The following RMND1 variants were observed in gnomAD, a reference collection of about 807,000 sequenced individuals.
RMND1 encodes required for meiotic nuclear division 1 homolog.
In RMND1, 41 loss-of-function variants were observed where a neutral mutation model predicts 54.0. That is an observed-to-expected ratio of 0.76 (90% CI 0.59 to 0.98). The LOEUF (loss-of-function observed/expected upper bound fraction) is 0.98. Among genes scored for constraint, RMND1 ranks in the 50% least tolerant of loss-of-function variants. RMND1 has a pLI of 0.00. For synonymous variants in RMND1, 183 were observed against 181.7 expected (o/e 1.01, Z -0.06); for missense variants, 457 against 532.0 (o/e 0.86, Z 1.39).
At chr6:151,448,268 T>A (rs1001618945) in intron 1 of RMND1, among the ~76,000 whole-genome samples, 3 of 152,112 alleles carry the variant, frequency 2.0e-5, no homozygotes, top group African/African-American at 7.2e-5. Flanking sequence ...ACCTCCTATC[T>A]TTGCATCTCA....
intron 8 of RMND1, 108 bp downstream of exon 8, chr6:151,422,433 A>C: frequency 1.9e-6 from 1 of 531,672 alleles, no homozygotes; most frequent in Non-Finnish European, 3.2e-6. Flanking sequence ...TCTTGGAACA[A>C]ATCTCCCATG....
At position 151,449,988 on chromosome 6, in the gene RMND1, G is replaced by C. The variant is rs964385051; in HGVS notation, c.-15+2028C>G. On this transcript the variant is annotated intron_variant, in intron 1 of 11. Coordinates refer to ENST00000444024, the MANE Select transcript of RMND1 (RefSeq NM_017909.4). ...CAGGCTGGAGTGCAGTGGCGTGATC[G>C]AGGCTCGCTACAACCTCCACCTCCC... Among the ~76,000 whole-genome samples, 14 of 152,116 alleles carry C rather than the reference G, an allele frequency of 9.2e-5. No homozygotes were observed. In the East Asian group the frequency reaches 2.1e-3, roughly 23 times the overall value.
intron 10 of RMND1, among the ~76,000 whole-genome samples, chr6:151,410,488 A>G (rs558810059): frequency 1.3e-5 from 2 of 152,298 alleles, no homozygotes; most frequent in South Asian, 2.1e-4. Context: ...CCCCTTCTAA[A>G]TAACCTTGAC....
intron 1 of RMND1, among the ~76,000 whole-genome samples, chr6:151,450,765 G>A (rs1384498354): frequency 1.4e-5 from 2 of 139,292 alleles, no homozygotes; most frequent in Non-Finnish European, 3.3e-5. Context: ...AGAAAGGGGG[G>A]AAAGGGGGGG....
chr6:151,445,247 A>T, intron 2 of RMND1, 61 bp downstream of exon 2: 1 of 1,527,572 alleles, frequency 6.5e-7, no homozygotes, highest in Non-Finnish European at 8.8e-7. Context: ...GGTGCAACGC[A>T]CACTGGTTTA....
chr6:151,408,119 A>C (rs1041011334), intron 10 of RMND1, among the ~76,000 whole-genome samples: 1 of 152,060 alleles, frequency 6.6e-6, no homozygotes, highest in Non-Finnish European at 1.5e-5. Flanking sequence ...TGAAGGGAGC[A>C]TGTCAAGCAT....
At chr6:151,408,540 C>A (rs1481740072) in intron 10 of RMND1, 1 of 152,106 alleles carries the variant, frequency 6.6e-6, no homozygotes, top group East Asian at 1.9e-4. Context: ...ACCATGTCCC[C>A]CACCCCAAAG....
At chr6:151,426,110 G>A (rs550328320) in intron 6 of RMND1, among the ~76,000 whole-genome samples, 16 of 151,962 alleles carry the variant, frequency 1.1e-4, no homozygotes, top group African/African-American at 4.8e-5. Context: ...CACTATGCCC[G>A]GGTAATTTTT....
chr6:151,409,646 A>C (rs1183597067), intron 10 of RMND1, among the ~76,000 whole-genome samples: 2 of 152,244 alleles, frequency 1.3e-5, no homozygotes, highest in African/African-American at 4.8e-5. Context: ...AATGGTACAC[A>C]CAATTTTTAA....
At chr6:151,448,409 G>A (rs1250703189) in intron 1 of RMND1, among the ~76,000 whole-genome samples, 1 of 151,878 alleles carries the variant, frequency 6.6e-6, no homozygotes, top group Non-Finnish European at 1.5e-5. Flanking sequence ...ACACTCCATG[G>A]TCTACCATTC....
chr6:151,406,431 G>A (rs532109351), intron 10 of RMND1, among the ~76,000 whole-genome samples: 6 of 152,060 alleles, frequency 3.9e-5, no homozygotes, highest in Non-Finnish European at 5.9e-5. Flanking sequence ...GGCGGATCTC[G>A]GCTCACTGCA....
chr6:151,451,413 TCTTTTGAAC>T (rs1398887811), intron 1 of RMND1, among the ~76,000 whole-genome samples: 1 of 152,158 alleles, frequency 6.6e-6, no homozygotes, highest in African/African-American at 2.4e-5. Flanking sequence ...ATCTTTTGAA[TCTTTTGAAC>T]CTTGCATTGG....
intron 3 of RMND1, 73 bp from the exon 4 acceptor site, chr6:151,433,303 TG>T: frequency 1.1e-6 from 1 of 871,394 alleles, no homozygotes; most frequent in South Asian, 1.5e-5. Flanking sequence ...CTATAAACAC[TG>T]TAATAAAGTA....
In RMND1 at chr6:151,443,854, T is replaced by A. The variant is rs529795889; in HGVS notation, c.504+1454A>T. The stretch of plus-strand genomic sequence containing the variant: ...ACAAACACTAAATCCCAGGAGGAGT[T>A]CCTCTTTTAATTACTGCGCTTCTCA... On this transcript the variant is annotated intron_variant, in intron 2 of 11. Coordinates refer to ENST00000444024, the MANE Select transcript of RMND1 (RefSeq NM_017909.4). Among the ~76,000 whole-genome samples, 4 of 152,364 alleles carry A rather than the reference T, an allele frequency of 2.6e-5. No homozygotes were observed. The South Asian group carries it at 8.3e-4, about 32-fold the overall frequency.
chr6:151,440,310 G>A (rs1189555701), intron 2 of RMND1, among the ~76,000 whole-genome samples: 1 of 152,180 alleles, frequency 6.6e-6, no homozygotes, highest in African/African-American at 2.4e-5. Flanking sequence ...GCCACTTGGA[G>A]ATAAAAATAA....
intron 2 of RMND1, among the ~76,000 whole-genome samples, chr6:151,442,700 T>TA (rs989771236): frequency 4.9e-5 from 7 of 143,732 alleles, no homozygotes; most frequent in Admixed American, 1.4e-4. Flanking sequence ...CGGCTTTTTT[T>TA]TTTTTTTTTT....
chr6:151,423,837 T>G (rs1235248604), intron 6 of RMND1, among the ~76,000 whole-genome samples: 1 of 150,112 alleles, frequency 6.7e-6, no homozygotes, highest in Non-Finnish European at 1.5e-5. Context: ...AAGAAAAATT[T>G]GTATACAAGA....
chr6:151,417,034 T>TAGTA, intron 10 of RMND1: 1 of 334,274 alleles, frequency 3.0e-6, no homozygotes, highest in Non-Finnish European at 5.4e-6. Context: ...TGACAAGAAC[T>TAGTA]TACTGATGGA....
At chr6:151,428,498 G>C (rs570935545) in intron 5 of RMND1, among the ~76,000 whole-genome samples, 1 of 152,286 alleles carries the variant, frequency 6.6e-6, no homozygotes, top group East Asian at 1.9e-4. Flanking sequence ...TACTTCTTTA[G>C]GAATTGCTAG....
Sources: allele counts gnomAD v4.1 joint callset (sites outside exome capture counted in the v4.1 genomes callset), GRCh38; gene constraint gnomAD v4.1.1; transcripts MANE v1.5; gene names NCBI Gene and HGNC (gene_info 2026-07-23, HGNC 2026-07-21).